The following RIMBP2 variants were observed in gnomAD, a reference collection of about 807,000 sequenced individuals.
RIMBP2 encodes RIMS-binding protein 2.
In RIMBP2, 48 loss-of-function variants were observed where a neutral mutation model predicts 118.6. The observed-to-expected ratio is 0.40, with a 90% CI of 0.32 to 0.51. RIMBP2 has a LOEUF of 0.51. Among genes scored for constraint, RIMBP2 ranks in the 20% least tolerant of loss-of-function variants. The pLI is 0.41. For synonymous variants in RIMBP2, 762 were observed against 742.9 expected (o/e 1.03, Z -0.42); for missense variants, 1,551 against 1,768.3 (o/e 0.88, Z 2.20).
At chr12:130,610,740 TTAG>T (rs1015134733) in intron 2 of RIMBP2, among the ~76,000 whole-genome samples, 4 of 151,570 alleles carry the variant, frequency 2.6e-5, no homozygotes, top group African/African-American at 7.3e-5. Flanking sequence ...TTTTGTATTT[TTAG>T]TAGAGACGGG....
chr12:130,501,282 A>C (rs1593546455), intron 4 of RIMBP2, among the ~76,000 whole-genome samples: 1 of 151,248 alleles, frequency 6.6e-6, no homozygotes, highest in African/African-American at 2.4e-5. Context: ...CCCTGCTTCC[A>C]CTCCTGTTTT....
Position 130,481,950 on chromosome 12 carries a change from C to T in RIMBP2, c.-3-2934G>A, listed in dbSNP as rs190640533. On this transcript the variant is annotated intron_variant, in intron 4 of 22. Transcript: ENST00000690449. ...CCCCAAGCCGCCACCACCACCACCA[C>T]CCACCGCCCACCACCAGTTCACTGT... Among the ~76,000 whole-genome samples the T allele has an allele frequency of 6.0e-3, 784 of 129,738 alleles. 9 individuals are homozygous for T. The highest frequency in any genetic ancestry group is 0.03 in the South Asian group (122 of 4,046). 85.1% of individuals were successfully genotyped at this position (129,738 alleles called of 152,430 possible). A position where few individuals can be genotyped will look rare whatever the true frequency, so the allele number is the denominator to read the frequency against.
chr12:130,531,794 T>A (rs1454308468), intron 2 of RIMBP2, among the ~76,000 whole-genome samples: 2 of 152,250 alleles, frequency 1.3e-5, no homozygotes, highest in South Asian at 2.1e-4. Context: ...TTCTAGTAGG[T>A]GTCCCTTCCA....
chr12:130,398,600 C>G (rs1170429077), intron 22 of RIMBP2: 1 of 152,580 alleles, frequency 6.6e-6, no homozygotes, highest in East Asian at 1.9e-4. Flanking sequence ...GCATAGCTCT[C>G]TCGTAAGGTA....
chr12:130,445,815 G>A (rs2078472210), intron 9 of RIMBP2, among the ~76,000 whole-genome samples: 1 of 152,132 alleles, frequency 6.6e-6, no homozygotes, highest in Non-Finnish European at 1.5e-5. Context: ...CTAATGTTGG[G>A]CAGTGAGGTT....
At chr12:130,707,917 A>G (rs1593049682) in intron 1 of RIMBP2, among the ~76,000 whole-genome samples, 1 of 152,018 alleles carries the variant, frequency 6.6e-6, no homozygotes, top group Non-Finnish European at 1.5e-5. Context: ...AAATGGGGGG[A>G]TTGAGAGAGA....
intron 2 of RIMBP2, among the ~76,000 whole-genome samples, chr12:130,610,260 C>T (rs551545551): frequency 1.3e-5 from 2 of 152,216 alleles, no homozygotes; most frequent in South Asian, 4.1e-4. Flanking sequence ...CCGGTCCCTC[C>T]CGTTCTGGGG....
chr12:130,653,513 C>G (rs1433503563), intron 1 of RIMBP2, among the ~76,000 whole-genome samples: 1 of 152,216 alleles, frequency 6.6e-6, no homozygotes, highest in East Asian at 1.9e-4. Flanking sequence ...GCTCAGAATG[C>G]AAGCTGTTGG....
chr12:130,639,657 G>A (rs568520809), intron 1 of RIMBP2, among the ~76,000 whole-genome samples: 1 of 151,216 alleles, frequency 6.6e-6, no homozygotes, highest in Admixed American at 6.6e-5. Flanking sequence ...TCATTCAGAT[G>A]AGTCTGGGCA....
At chr12:130,694,618 G>A (rs2065485248) in intron 1 of RIMBP2, among the ~76,000 whole-genome samples, 1 of 152,180 alleles carries the variant, frequency 6.6e-6, no homozygotes, top group Non-Finnish European at 1.5e-5. Flanking sequence ...CCCTCCCGTA[G>A]AGAATTCCGC....
intron 3 of RIMBP2, among the ~76,000 whole-genome samples, chr12:130,515,453 A>T (rs942575132): frequency 3.9e-5 from 6 of 152,256 alleles, no homozygotes; most frequent in Admixed American, 1.3e-4. Context: ...ACCTCATATA[A>T]GTGGAATCAA....
intron 1 of RIMBP2, among the ~76,000 whole-genome samples, chr12:130,692,824 AATGGG>A (rs1224550349): frequency 9.3e-4 from 114 of 122,658 alleles, no homozygotes; most frequent in Middle Eastern, 4.0e-3. Context: ...GGATGGGTGG[AATGGG>A]ATGGGATGGG....
intron 1 of RIMBP2, among the ~76,000 whole-genome samples, chr12:130,661,436 AG>A (rs2063658895): frequency 6.6e-6 from 1 of 152,210 alleles, no homozygotes; most frequent in Non-Finnish European, 1.5e-5. Flanking sequence ...GAAGCATGTG[AG>A]CCATTGGCTG....
intron 2 of RIMBP2, among the ~76,000 whole-genome samples, chr12:130,614,888 ATATTT>A (rs1313602451): frequency 2.0e-5 from 3 of 149,330 alleles, no homozygotes; most frequent in African/African-American, 2.4e-5. Flanking sequence ...ATAAATACAT[ATATTT>A]TATATGTACT....
chr12:130,689,455 ATAAG>A (rs998223884), intron 1 of RIMBP2, among the ~76,000 whole-genome samples: 5 of 152,178 alleles, frequency 3.3e-5, no homozygotes, highest in African/African-American at 1.2e-4. Flanking sequence ...AATTAATTAA[ATAAG>A]TAACGACATC....
In RIMBP2 at chr12:130,475,103, G is replaced by A. The variant is rs563324463; in HGVS notation, c.102+3809C>T. Among the ~76,000 whole-genome samples the A allele has an allele frequency of 6.6e-6, 1 of 152,236 alleles. No individual in the cohort carries two copies. Among genetic ancestry groups the A allele is most frequent in the Non-Finnish European group, 1.5e-5 (1 of 68,040 alleles). On this transcript the variant is annotated intron_variant, in intron 5 of 22. Transcript: ENST00000690449. The surrounding 1 kb of genome is among the most constrained non-coding windows in gnomAD (Gnocchi z 4.1). ...ACTGTGTCTCTGCTCAGGTCCCAGAGACGAGGGCTGCAGCATGAGCTCATT... is the reference window on the plus strand; with the variant it reads ...ACTGTGTCTCTGCTCAGGTCCCAGAAACGAGGGCTGCAGCATGAGCTCATT...
rs1441455189 is a variant in RIMBP2 at position 130,670,660 on chromosome 12, A to T, written c.-351-42204T>A. On this transcript the variant is annotated intron_variant, in intron 1 of 22. Coordinates refer to ENST00000690449, the MANE Select transcript of RIMBP2 (RefSeq NM_001393629.1). This position sits in a 1 kb window ranked among gnomAD's most constrained non-coding sequence, Gnocchi z 4.9. Reference sequence around the variant, plus strand: ...GCCTCCACTAGAGAGGCTGGAAAGGAGAAACGCTCACTGTCCCACCCTCCC... The same window carrying T: ...GCCTCCACTAGAGAGGCTGGAAAGGTGAAACGCTCACTGTCCCACCCTCCC... 6.6e-6 allele frequency among the ~76,000 whole-genome samples: 1 copy of T among 152,176 alleles called. No individual in the cohort carries two copies. The highest frequency in any genetic ancestry group is 1.5e-5 in the Non-Finnish European group (1 of 68,024).
At chr12:130,711,948 G>A (rs2136897134) in intron 1 of RIMBP2, among the ~76,000 whole-genome samples, 1 of 152,382 alleles carries the variant, frequency 6.6e-6, no homozygotes, top group Non-Finnish European at 1.5e-5. Flanking sequence ...GCCCGTGACT[G>A]TACTGAGTAC....
intron 1 of RIMBP2, among the ~76,000 whole-genome samples, chr12:130,644,160 C>T (rs2141043611): frequency 6.6e-6 from 1 of 152,350 alleles, no homozygotes; most frequent in East Asian, 1.9e-4. Context: ...CCTGTAGCCT[C>T]TCCCATTGAG....
Sources: gnomAD v4.1 joint callset for allele counts (sites outside exome capture counted in the v4.1 genomes callset) on GRCh38, gnomAD v4.1.1 for gene constraint, Gnocchi (gnomAD v3.1) non-coding constraint, MANE v1.5 for transcripts, NCBI Gene and HGNC (gene_info 2026-07-23, HGNC 2026-07-21) for gene names.